Variants in GOLGA6L1 observed in about 807,000 individuals in gnomAD.
GOLGA6L1 encodes the protein golgin subfamily A member 6-like protein 1.
Under a neutral mutation model 23.6 loss-of-function variants are expected in GOLGA6L1, and 2 were observed. That is an observed-to-expected ratio of 0.08 (90% CI 0.03 to 0.27). The LOEUF (loss-of-function observed/expected upper bound fraction) is 0.27. GOLGA6L1 is among the 10% of genes least tolerant of loss of function. The pLI is 1.00. For missense variants in GOLGA6L1, 15 were observed against 172.9 expected, an observed-to-expected ratio of 0.09 and a Z score of 5.12; for synonymous variants, 4 against 49.8, an observed-to-expected ratio of 0.08 and a Z score of 3.87.
chr15:23,136,639 G>T lies in GOLGA6L1; in HGVS notation c.93C>A (p.Pro31=). The T allele has an allele frequency of 1.5e-5, 4 of 267,386 alleles. No homozygotes were observed. The highest frequency in any genetic ancestry group is 2.4e-5 in the Non-Finnish European group (4 of 166,576). 16.6% of individuals were successfully genotyped at this position (267,386 alleles called of 1,614,324 possible). ...GGAGGTGGGGATGGGTAGGGAGGTG[G>T]GGATGGGTAGGGAGGTGGGGATGGG... ...LPTHPHLPTH[P]HLPTHPHLPT... Residue 31 remains proline, a synonymous_variant, in exon 1 of 9, where the codon CCC becomes CCA. Coordinates refer to ENST00000614055, the MANE Select transcript of GOLGA6L1 (RefSeq NM_001001413.3).
Position 23,127,934 on chromosome 15 carries a change from CTG to C in GOLGA6L1, c.*854_*855del, listed in dbSNP as rs1197666794. Among the ~76,000 whole-genome samples the C allele has an allele frequency of 8.6e-5, 6 of 69,696 alleles. No individual in the cohort carries two copies. Among genetic ancestry groups the C allele is most frequent in the African/African-American group, 3.1e-4 (6 of 19,448 alleles). The allele number at this position is 69,696 out of a possible 152,430, so 45.7% of individuals were successfully genotyped here. On this transcript the variant is annotated 3_prime_UTR_variant, in exon 9 of 9. Coordinates refer to ENST00000614055, the MANE Select transcript of GOLGA6L1 (RefSeq NM_001001413.3). ...AGGCCTAGGAGGTGATCCTGACAGT[CTG>C]TAGTGCTTTCCCACATTTGGTGATT...
At position 23,136,716 on chromosome 15, in the gene GOLGA6L1, G is replaced by GGGGAGGGAGGT; in HGVS notation, c.15_16insACCTCCCTCCC (p.Gln6ThrfsTer49). On this transcript the variant is annotated frameshift_variant, in exon 1 of 9. Coordinates refer to ENST00000614055, the MANE Select transcript of GOLGA6L1 (RefSeq NM_001001413.3). LOFTEE classifies it high-confidence loss of function. ...TGGGGATGGGTAGGGAGGTGGGGTT[G>GGGGAGGGAGGT]GGGCCACATCAGCATGATCCAGGTG... 2 of 207,288 alleles carry GGGGAGGGAGGT rather than the reference G, an allele frequency of 9.6e-6. No individual in the cohort carries two copies. Among genetic ancestry groups the GGGGAGGGAGGT allele is most frequent in the Non-Finnish European group, 1.5e-5 (2 of 130,560 alleles). 12.8% of individuals were successfully genotyped at this position (207,288 alleles called of 1,614,324 possible). A position where few individuals can be genotyped will look rare whatever the true frequency, so the allele number is the denominator to read the frequency against.
In GOLGA6L1 at chr15:23,130,021, A is replaced by G; in HGVS notation, c.1432T>C (p.Trp478Arg). The G allele has an allele frequency of 4.9e-6, 2 of 410,786 alleles. No homozygotes were observed. Among genetic ancestry groups the G allele is most frequent in the South Asian group, 4.8e-5 (2 of 41,706 alleles). The allele number at this position is 410,786 out of a possible 1,614,324, so 25.4% of individuals were successfully genotyped here. Residue 478 changes from tryptophan (W) to arginine (R), a missense_variant, in exon 8 of 9, where the codon TGG (tryptophan) becomes CGG (arginine). Around this residue, in one of 2 missense-constraint regions of GOLGA6L1, gnomAD observed 15 missense variants for 120.2 expected, o/e 0.12. Coordinates refer to ENST00000614055, the MANE Select transcript of GOLGA6L1 (RefSeq NM_001001413.3). ...TCGTGCATCTTCTCCTTTTGCCTCC[A>G]TATCTCCTCCTGCTCCCTTATCTTC... ...EEKIREQEEI[W>R]RQKEKMHEQE...
chr15:23,132,410 CAG>C (rs200558184), intron 5 of GOLGA6L1, among the ~76,000 whole-genome samples: 1,823 of 142,498 alleles, frequency 0.013, 1 homozygote, highest in Non-Finnish European at 0.019. Flanking sequence ...AGCTGGCTAA[CAG>C]GGGCCCAGAG....
rs1414271140 is a variant in GOLGA6L1, at chr15:23,127,728, T to TCAA, written c.*1059_*1061dup. Reference sequence around the variant, plus strand: ...CTGGGCAACAGCGCAAGACTCCATCTCAACAACAACAAAAAAAGGACAGAT... The same window carrying TCAA: ...CTGGGCAACAGCGCAAGACTCCATCTCAACAACAACAACAAAAAAAGGACAGAT... On this transcript the variant is annotated 3_prime_UTR_variant, in exon 9 of 9. Coordinates refer to ENST00000614055, the MANE Select transcript of GOLGA6L1 (RefSeq NM_001001413.3). 2.1e-5 allele frequency among the ~76,000 whole-genome samples: 3 copies of TCAA among 141,816 alleles called. No individual in the cohort carries two copies. The highest frequency in any genetic ancestry group is 7.6e-5 in the African/African-American group (3 of 39,244). The allele number at this position is 141,816 out of a possible 152,430, so 93.0% of individuals were successfully genotyped here. A position where few individuals can be genotyped will look rare whatever the true frequency, so the allele number is the denominator to read the frequency against.
chr15:23,132,719 T>G (rs1449114917), intron 5 of GOLGA6L1, among the ~76,000 whole-genome samples: 1 of 145,672 alleles, frequency 6.9e-6, no homozygotes, highest in African/African-American at 2.5e-5. Context: ...AATCCTTTGT[T>G]GAATTTTTGA....
In GOLGA6L1 at chr15:23,136,718, G is replaced by GGAGGGAGGTGGGGTT. The variant is rs2068261875; in HGVS notation, c.13_14insAACCCCACCTCCCTC (p.Trp4_Pro5insGlnProHisLeuPro). The GGAGGGAGGTGGGGTT allele has an allele frequency of 4.7e-6, 1 of 213,562 alleles. No individual in the cohort carries two copies. Among genetic ancestry groups the GGAGGGAGGTGGGGTT allele is most frequent in the Admixed American group, 1.4e-4 (1 of 7,196 alleles). 13.2% of individuals were successfully genotyped at this position (213,562 alleles called of 1,614,324 possible). ...GGGATGGGTAGGGAGGTGGGGTTGG[G>GGAGGGAGGTGGGGTT]GCCACATCAGCATGATCCAGGTGAG... On this transcript the variant is annotated inframe_insertion, in exon 1 of 9. Coordinates refer to ENST00000614055, the MANE Select transcript of GOLGA6L1 (RefSeq NM_001001413.3).
rs2068182850 is a variant in GOLGA6L1, at chr15:23,129,473, GTGTTCC to G, written c.1974_1979del (p.Gln658_Glu659del). ...CCTCCAGCTCCTGCAGCCTCACCTG[GTGTTCC>G]TGCATCTTCTCCTCCTGCTGCCGCA... is the stretch of plus-strand genomic sequence containing the variant. On this transcript the variant is annotated inframe_deletion, in exon 8 of 9. Coordinates refer to ENST00000614055, the MANE Select transcript of GOLGA6L1 (RefSeq NM_001001413.3). The G allele has an allele frequency of 5.5e-6, 7 of 1,266,288 alleles. No individual in the cohort carries two copies. In the South Asian group the frequency reaches 1.0e-4, roughly 18 times the overall value. The allele number at this position is 1,266,288 out of a possible 1,614,324, so 78.4% of individuals were successfully genotyped here. A position where few individuals can be genotyped will look rare whatever the true frequency, so the allele number is the denominator to read the frequency against.
Position 23,130,388 on chromosome 15 carries a change from C to T in GOLGA6L1, c.1065G>A (p.Glu355=). The change falls in exon 8 of 9, where the codon GAG becomes GAA. Residue 355 remains glutamate (E), a synonymous_variant. Transcript: ENST00000614055. The part of the protein sequence containing the change: ...WEKEEKMRRQ[E]EMMWEKEEKM... ...TCTCCTCCTTCTCCCACATCATCTCCTCCTGCCTCCGCATCTTCTCCTCCT... is the reference window on the plus strand; with the variant it reads ...TCTCCTCCTTCTCCCACATCATCTCTTCCTGCCTCCGCATCTTCTCCTCCT... 1 of 164,430 alleles carries T rather than the reference C, an allele frequency of 6.1e-6. No homozygotes were observed. Among genetic ancestry groups the T allele is most frequent in the Non-Finnish European group, 9.8e-6 (1 of 101,860 alleles). 10.2% of individuals were successfully genotyped at this position (164,430 alleles called of 1,614,324 possible).
At chr15:23,134,551 C>T (rs1180311912) in intron 2 of GOLGA6L1, among the ~76,000 whole-genome samples, 420 of 12,362 alleles carry the variant, frequency 0.034, no homozygotes, top group South Asian at 0.057. Flanking sequence ...GTAAGGAAAA[C>T]AATACCACTC....
At position 23,129,921 on chromosome 15, in the gene GOLGA6L1, ATCTTCTCCTCCTGGTCGTG is replaced by A; in HGVS notation, c.1513_1531del (p.His505TyrfsTer15). On this transcript the variant is annotated frameshift_variant, in exon 8 of 9. Transcript: ENST00000614055. LOFTEE classifies it high-confidence loss of function. ...CCACATCTTCTCCTCCTGCTCCCGT[ATCTTCTCCTCCTGGTCGTG>A]CATCTTCTCCTCCTGCCTCCACACC... is the stretch of plus-strand genomic sequence containing the variant. The A allele has an allele frequency of 1.4e-6, 1 of 709,352 alleles. No homozygotes were observed. Among genetic ancestry groups the A allele is most frequent in the South Asian group, 1.6e-5 (1 of 60,714 alleles). 43.9% of individuals were successfully genotyped at this position (709,352 alleles called of 1,614,324 possible).
chr15:23,130,030 C>T lies in GOLGA6L1; in HGVS notation c.1423G>A (p.Glu475Lys), dbSNP rs2068204092. 1 of 576,016 alleles carries T rather than the reference C, an allele frequency of 1.7e-6. No individual in the cohort carries two copies. The highest frequency in any genetic ancestry group is 2.8e-5 in the African/African-American group (1 of 36,098). 35.7% of individuals were successfully genotyped at this position (576,016 alleles called of 1,614,324 possible). ...WRQEEKIREQEEIWRQKEKMH... is the reference protein window; with the variant it reads ...WRQEEKIREQKEIWRQKEKMH... ...TTCTCCTTTTGCCTCCATATCTCCTCCTGCTCCCTTATCTTCTCCTCCTGC... is the reference window on the plus strand; with the variant it reads ...TTCTCCTTTTGCCTCCATATCTCCTTCTGCTCCCTTATCTTCTCCTCCTGC... Residue 475 changes from glutamate (E) to lysine (K), a missense_variant, in exon 8 of 9, where the codon GAG becomes AAG. By Grantham distance (56) the Glu-to-Lys change is moderately conservative. This residue lies in a region of GOLGA6L1 where 15 missense variants were observed against 120.2 expected (regional missense o/e 0.12). Transcript: ENST00000614055.
chr15:23,131,013 AGAGT>A (rs2068222186), intron 7 of GOLGA6L1, among the ~76,000 whole-genome samples: 1 of 136,398 alleles, frequency 7.3e-6, no homozygotes. Flanking sequence ...CCTGGGTGAC[AGAGT>A]GAGACTACTT....
At position 23,127,897 on chromosome 15, in the gene GOLGA6L1, ACTTGAGTGACCAGGC is replaced by A. The variant is rs2068175410; in HGVS notation, c.*878_*892del. ...AAGGTAATTGGAGACCTCAGTCAGG[ACTTGAGTGACCAGGC>A]CTAGGAGGTGATCCTGACAGTCTGT... On this transcript the variant is annotated 3_prime_UTR_variant, in exon 9 of 9. Coordinates refer to ENST00000614055, the MANE Select transcript of GOLGA6L1 (RefSeq NM_001001413.3). 1.1e-5 allele frequency among the ~76,000 whole-genome samples: 1 copy of A among 88,722 alleles called. No individual in the cohort carries two copies. The highest frequency in any genetic ancestry group is 2.4e-5 in the Non-Finnish European group (1 of 41,802). The allele number at this position is 88,722 out of a possible 152,430, so 58.2% of individuals were successfully genotyped here.
chr15:23,133,164 CA>C, intron 5 of GOLGA6L1, 74 bp downstream of exon 5: 1 of 430,502 alleles, frequency 2.3e-6, no homozygotes, highest in South Asian at 2.0e-5. Context: ...CTCCATCCTA[CA>C]GAAGGGACCT....
Position 23,136,631 on chromosome 15 carries a change from G to C in GOLGA6L1, c.101C>G (p.Pro34Arg). 1 of 267,500 alleles carries C rather than the reference G, an allele frequency of 3.7e-6. No homozygotes were observed. The highest frequency in any genetic ancestry group is 6.0e-6 in the Non-Finnish European group (1 of 166,700). 16.6% of individuals were successfully genotyped at this position (267,500 alleles called of 1,614,324 possible). Residue 34 changes from proline to arginine, a missense_variant, in exon 1 of 9, where the codon CCT becomes CGT. Physicochemically the swap from Pro to Arg is moderately radical, Grantham distance 103. Transcript: ENST00000614055. The stretch of plus-strand genomic sequence containing the variant: ...ATGGGTAGGGAGGTGGGGATGGGTA[G>C]GGAGGTGGGGATGGGTAGGGAGGTG... ...HPHLPTHPHLPTHPHLPTHPH... is the reference protein window; with the variant it reads ...HPHLPTHPHLRTHPHLPTHPH...
At chr15:23,131,030 C>CAAATAAAT (rs537318406) in intron 7 of GOLGA6L1, among the ~76,000 whole-genome samples, 8 of 135,976 alleles carry the variant, frequency 5.9e-5, no homozygotes, top group Non-Finnish European at 1.3e-4. Flanking sequence ...GACTACTTCT[C>CAAATAAAT]AAATAAATAA....
Position 23,136,613 on chromosome 15 carries a change from G to C in GOLGA6L1, c.119C>G (p.Pro40Arg), listed in dbSNP as rs2068259345. 3.8e-6 allele frequency: 1 copy of C among 264,564 alleles called. No individual in the cohort carries two copies. Among genetic ancestry groups the C allele is most frequent in the African/African-American group, 7.1e-5 (1 of 14,118 alleles). 16.4% of individuals were successfully genotyped at this position (264,564 alleles called of 1,614,324 possible). ...ATGGGTAGGGAGGTGGGGATGGGTA[G>C]GGAGGTGGGGATGGGTAGGGAGGTG... The part of the protein sequence containing the change: ...HPHLPTHPHL[P>R]THPHLPTHPM... Residue 40 changes from proline to arginine, a missense_variant, in exon 1 of 9, where the codon CCT becomes CGT. Physicochemically the swap from Pro to Arg is moderately radical, Grantham distance 103. This residue lies in a region of GOLGA6L1 where 15 missense variants were observed against 120.2 expected (regional missense o/e 0.12). Transcript: ENST00000614055.
rs1411687120 is a variant in GOLGA6L1 at position 23,129,806 on chromosome 15, C to T, written c.1647G>A (p.Gln549=). The change falls in exon 8 of 9, where the codon CAG becomes CAA. Residue 549 remains glutamine, a synonymous_variant. Coordinates refer to ENST00000614055, the MANE Select transcript of GOLGA6L1 (RefSeq NM_001001413.3). ...CTTCCTGCTCCCCCATCTTCTCTTC[C>T]TGTTCCTGCATCATCTCCTCCTGCT... The part of the protein sequence containing the change: ...IREQEEMMQE[Q]EEKMGEQEEK... The T allele has an allele frequency of 2.0e-6, 2 of 997,578 alleles. No homozygotes were observed. The highest frequency in any genetic ancestry group is 2.1e-5 in the Admixed American group (1 of 46,816). 61.8% of individuals were successfully genotyped at this position (997,578 alleles called of 1,614,324 possible).
Sources: allele counts gnomAD v4.1 joint callset (sites outside exome capture counted in the v4.1 genomes callset), GRCh38; gene constraint gnomAD v4.1.1; regional missense constraint gnomAD v4.1.1; transcripts MANE v1.5; gene names NCBI Gene and HGNC (gene_info 2026-07-23, HGNC 2026-07-21).